Variants in NOTCH2NLC observed in about 807,000 individuals in gnomAD.
NOTCH2NLC encodes the protein notch homolog 2 N-terminal-like protein C.
Under a neutral mutation model 17.7 loss-of-function variants are expected in NOTCH2NLC, and 4 were observed. The observed-to-expected ratio is 0.23, with a 90% CI of 0.11 to 0.52. The LOEUF (loss-of-function observed/expected upper bound fraction) is 0.52, where lower values mean the gene tolerates loss of function less well. NOTCH2NLC is among the 20% of genes least tolerant of loss of function. NOTCH2NLC has a pLI of 0.96. For synonymous variants in NOTCH2NLC, 18 were observed against 86.0 expected, an observed-to-expected ratio of 0.21 and a Z score of 4.38; for missense variants, 57 against 207.2, an observed-to-expected ratio of 0.28 and a Z score of 4.45.
At chr1:149,437,879 G>C (rs2084492466) in intron 2 of NOTCH2NLC, among the ~76,000 whole-genome samples, 1 of 146,098 alleles carries the variant, frequency 6.8e-6, no homozygotes, top group Non-Finnish European at 1.5e-5. Context: ...TGCATATTAG[G>C]GTCTGTTCTC....
chr1:149,431,828 GTAT>G, intron 2 of NOTCH2NLC, among the ~76,000 whole-genome samples: 1 of 80,260 alleles, frequency 1.2e-5, no homozygotes, highest in East Asian at 4.4e-4. Context: ...CTTTGGGTGT[GTAT>G]TATTATATGG....
chr1:149,407,358 CAAG>C (rs1214496254), intron 1 of NOTCH2NLC, among the ~76,000 whole-genome samples: 3 of 103,004 alleles, frequency 2.9e-5, no homozygotes, highest in African/African-American at 7.6e-5. Flanking sequence ...GGTTGAGACA[CAAG>C]GAGAGGATTG....
At chr1:149,430,385 C>T (rs1438619662) in intron 1 of NOTCH2NLC, among the ~76,000 whole-genome samples, 4 of 135,874 alleles carry the variant, frequency 2.9e-5, no homozygotes, top group African/African-American at 8.3e-5. Flanking sequence ...TTATGTATTC[C>T]ATTTCTCCTT....
At chr1:149,419,801 A>T (rs1377781667) in intron 1 of NOTCH2NLC, among the ~76,000 whole-genome samples, 1 of 147,556 alleles carries the variant, frequency 6.8e-6, no homozygotes, top group East Asian at 2.0e-4. Flanking sequence ...GAAGAAACAA[A>T]GCAAGGGAGA....
chr1:149,417,173 G>T lies in NOTCH2NLC; in HGVS notation c.136-13769G>T, dbSNP rs1159259270. Among the ~76,000 whole-genome samples the T allele has an allele frequency of 4.5e-4, 59 of 130,980 alleles. 1 individual carries two copies. Among genetic ancestry groups the T allele is most frequent in the Non-Finnish European group, 7.0e-4 (44 of 63,254 alleles). 85.9% of individuals were successfully genotyped at this position (130,980 alleles called of 152,430 possible). A position where few individuals can be genotyped will look rare whatever the true frequency, so the allele number is the denominator to read the frequency against. ...CGCCCAGGCTGGAGTGCAGTGGCGC[G>T]ATCTCTGCTCACTGCAAGCTCCGCC... On this transcript the variant is annotated intron_variant, in intron 1 of 4. Coordinates refer to ENST00000650865, the MANE Select transcript of NOTCH2NLC (RefSeq NM_001364013.2).
chr1:149,417,523 C>A (rs2084343204), intron 1 of NOTCH2NLC, among the ~76,000 whole-genome samples: 1 of 151,406 alleles, frequency 6.6e-6, no homozygotes, highest in South Asian at 2.1e-4. Context: ...ATTTGTGTGA[C>A]TTTGGGCAAG....
chr1:149,398,762 C>T (rs1197994973), intron 1 of NOTCH2NLC, among the ~76,000 whole-genome samples: 18 of 151,256 alleles, frequency 1.2e-4, no homozygotes, highest in African/African-American at 4.4e-4. Context: ...GACTGAAGCA[C>T]CTTTCCCTGG....
intron 1 of NOTCH2NLC, among the ~76,000 whole-genome samples, chr1:149,427,040 A>G (rs2084416716): frequency 6.6e-6 from 1 of 150,750 alleles, no homozygotes; most frequent in East Asian, 2.0e-4. Flanking sequence ...TTATAGTTGT[A>G]TACATTTATA....
chr1:149,413,262 C>G (rs2084309580), intron 1 of NOTCH2NLC, among the ~76,000 whole-genome samples: 1 of 150,888 alleles, frequency 6.6e-6, no homozygotes, highest in African/African-American at 2.4e-5. Flanking sequence ...CACCATACCA[C>G]TTCCTTAGAA....
chr1:149,445,625 G>T (rs1312955703), intron 2 of NOTCH2NLC, among the ~76,000 whole-genome samples: 4 of 151,120 alleles, frequency 2.6e-5, no homozygotes, highest in African/African-American at 7.3e-5. Flanking sequence ...AGGGCAAGAA[G>T]AAAGTGGGTT....
rs1553702682 is a variant in NOTCH2NLC at position 149,390,817 on chromosome 1, C to CGGCGGCGGCGGCGGAGGA, written c.38_55dup (p.Gly13_Gly18dup). On this transcript the variant is annotated inframe_insertion, in exon 1 of 5. Transcript: ENST00000650865. Reference sequence around the variant, plus strand: ...GGATCTGCCCAGGCGGCGGCGGCGGCGGCGGCGGCGGCGGAGGAGGCGGCG... The same window carrying CGGCGGCGGCGGCGGAGGA: ...GGATCTGCCCAGGCGGCGGCGGCGGCGGCGGCGGCGGCGGAGGAGGCGGCGGCGGCGGAGGAGGCGGCG... 1,029 of 1,299,022 alleles carry CGGCGGCGGCGGCGGAGGA rather than the reference C, an allele frequency of 7.9e-4. 29 individuals are homozygous for CGGCGGCGGCGGCGGAGGA. The highest frequency in any genetic ancestry group is 9.7e-4 in the Non-Finnish European group (994 of 1,020,760). The allele number at this position is 1,299,022 out of a possible 1,614,324, so 80.5% of individuals were successfully genotyped here. A position where few individuals can be genotyped will look rare whatever the true frequency, so the allele number is the denominator to read the frequency against.
At position 149,429,996 on chromosome 1, in the gene NOTCH2NLC, T is replaced by G. The variant is rs1424120998; in HGVS notation, c.136-946T>G. ...TCCAGTTGTTAGGATTCTTGATATGTATTTTGGTGATGAAAATTTCAACTC... is the reference window on the plus strand; with the variant it reads ...TCCAGTTGTTAGGATTCTTGATATGGATTTTGGTGATGAAAATTTCAACTC... On this transcript the variant is annotated intron_variant, in intron 1 of 4. Coordinates refer to ENST00000650865, the MANE Select transcript of NOTCH2NLC (RefSeq NM_001364013.2). Among the ~76,000 whole-genome samples the G allele has an allele frequency of 7.3e-5, 11 of 151,156 alleles. 1 individual carries two copies. The highest frequency in any genetic ancestry group is 1.5e-4 in the Non-Finnish European group (10 of 67,632).
intron 1 of NOTCH2NLC, among the ~76,000 whole-genome samples, chr1:149,400,020 G>A (rs1240116350): frequency 4.0e-4 from 60 of 148,632 alleles, no homozygotes; most frequent in Admixed American, 8.8e-4. Flanking sequence ...CTAGAAAAGC[G>A]TAAATAAAAT....
intron 1 of NOTCH2NLC, among the ~76,000 whole-genome samples, chr1:149,394,887 T>C (rs2084196328): frequency 1.3e-5 from 2 of 150,588 alleles, no homozygotes; most frequent in South Asian, 2.1e-4. Flanking sequence ...TGTAGTATTT[T>C]GGACAGATCA....
chr1:149,390,720 G>A lies in NOTCH2NLC; in HGVS notation c.-68G>A, dbSNP rs1427607843. The A allele has an allele frequency of 8.0e-7, 1 of 1,246,652 alleles. No individual in the cohort carries two copies. The highest frequency in any genetic ancestry group is 1.6e-5 in the African/African-American group (1 of 62,328). 77.2% of individuals were successfully genotyped at this position (1,246,652 alleles called of 1,614,324 possible). Reference sequence around the variant, plus strand: ...GCCTGTGCTTCGGACCGTAGCGCCAGGGCCTGAGCCTTTGAAGCAGGAGGA... The same window carrying A: ...GCCTGTGCTTCGGACCGTAGCGCCAAGGCCTGAGCCTTTGAAGCAGGAGGA... On this transcript the variant is annotated 5_prime_UTR_variant, in exon 1 of 5. Coordinates refer to ENST00000650865, the MANE Select transcript of NOTCH2NLC (RefSeq NM_001364013.2).
chr1:149,395,831 C>A (rs1345639947), intron 1 of NOTCH2NLC, among the ~76,000 whole-genome samples: 1 of 142,806 alleles, frequency 7.0e-6, no homozygotes, highest in African/African-American at 2.6e-5. Context: ...TTTTTTTGAA[C>A]CAAGAGAGTC....
intron 1 of NOTCH2NLC, among the ~76,000 whole-genome samples, chr1:149,409,922 A>G: frequency 6.8e-6 from 1 of 147,572 alleles, no homozygotes; most frequent in Non-Finnish European, 1.5e-5. Context: ...GTGTGTGTAA[A>G]TATTCAGTAT....
intron 1 of NOTCH2NLC, among the ~76,000 whole-genome samples, chr1:149,417,158 G>A (rs1375667578): frequency 8.1e-6 from 1 of 123,344 alleles, no homozygotes; most frequent in East Asian, 2.5e-4. Context: ...CGCCCAGGCT[G>A]GAGTGCAGTG....
At chr1:149,429,694 A>G (rs2084433114) in intron 1 of NOTCH2NLC, among the ~76,000 whole-genome samples, 1 of 151,300 alleles carries the variant, frequency 6.6e-6, no homozygotes, top group South Asian at 2.1e-4. Context: ...TTATGCAGTA[A>G]TTGTTGGTGG....
Sources: gnomAD v4.1 joint callset for allele counts (sites outside exome capture counted in the v4.1 genomes callset) on GRCh38, gnomAD v4.1.1 for gene constraint, MANE v1.5 for transcripts, NCBI Gene and HGNC (gene_info 2026-07-23, HGNC 2026-07-21) for gene names.